NHSL3: variants seen among roughly 807,000 people sequenced by gnomAD.
The protein encoded by NHSL3 is NHS-like protein 3.
chr1:32,770,675 C>G, the NHSL3 span: 1 of 1,526,172 alleles, frequency 6.6e-7, no homozygotes, highest in Non-Finnish European at 8.8e-7. The surrounding 1 kb of genome is among the most constrained non-coding windows in gnomAD (Gnocchi z 8.3). Context: ...CGGCCTCCAC[C>G]CCCTCCCCGC....
At chr1:32,752,973 G>GT in the NHSL3 span, among the ~76,000 whole-genome samples, 7,796 of 92,752 alleles carry the variant, frequency 0.084, 615 homozygotes, top group Admixed American at 0.11. Flanking sequence ...ATATATTTTG[G>GT]TTTTTTTTTT....
At chr1:32,770,388 G>T in the NHSL3 span, 2 of 1,607,766 alleles carry the variant, frequency 1.2e-6, no homozygotes, top group Non-Finnish European at 1.7e-6. This position sits in a 1 kb window ranked among gnomAD's most constrained non-coding sequence, Gnocchi z 8.3. Context: ...CCAGCCCACA[G>T]CCCCGCAGCC....
At chr1:32,751,839 C>A in the NHSL3 span, among the ~76,000 whole-genome samples, 3 of 152,082 alleles carry the variant, frequency 2.0e-5, no homozygotes, top group Non-Finnish European at 4.4e-5. Context: ...GAGATGAGGT[C>A]GGAGATGAGG....
chr1:32,754,843 A>T, the NHSL3 span, among the ~76,000 whole-genome samples: 17 of 152,080 alleles, frequency 1.1e-4, no homozygotes, highest in Non-Finnish European at 2.5e-4. Flanking sequence ...GACCGCCTCC[A>T]TCTGGCGCGA....
At chr1:32,772,277 T>C in the NHSL3 span, 1 of 1,587,392 alleles carries the variant, frequency 6.3e-7, no homozygotes, top group Admixed American at 1.7e-5. Context: ...TCTGTGGGAG[T>C]CCCCCCACCC....
chr1:32,769,547 C>A, the NHSL3 span: 74 of 766,220 alleles, frequency 9.7e-5, no homozygotes, highest in Middle Eastern at 3.5e-4. Flanking sequence ...TTTAACCTAG[C>A]CTTGCCCATA....
the NHSL3 span, chr1:32,768,744 C>G: frequency 1.7e-5 from 27 of 1,614,034 alleles, no homozygotes; most frequent in Non-Finnish European, 2.3e-5. Context: ...AGGACGCGCT[C>G]TCCATCCGCT....
At chr1:32,742,278 G>A in the NHSL3 span, 2 of 1,173,932 alleles carry the variant, frequency 1.7e-6, no homozygotes, top group Non-Finnish European at 2.1e-6. Context: ...GCGGCGTGTT[G>A]GAGGGGGGTG....
chr1:32,769,847 C>G, the NHSL3 span: 1 of 1,611,538 alleles, frequency 6.2e-7, no homozygotes, highest in Non-Finnish European at 8.5e-7. Flanking sequence ...CATCCCCTCT[C>G]TGCTGACCCC....
chr1:32,750,372 G>T, the NHSL3 span, among the ~76,000 whole-genome samples: 1 of 152,278 alleles, frequency 6.6e-6, no homozygotes, highest in African/African-American at 2.4e-5. Context: ...GCTCACAGAG[G>T]ATTTAAACCC....
At chr1:32,769,778 A>G in the NHSL3 span, 6 of 1,598,914 alleles carry the variant, frequency 3.8e-6, no homozygotes, top group East Asian at 1.1e-4. Flanking sequence ...CATGTGCAGA[A>G]GGAGCTTGGT....
chr1:32,766,757 G>A, the NHSL3 span, among the ~76,000 whole-genome samples: 1 of 152,158 alleles, frequency 6.6e-6, no homozygotes, highest in East Asian at 1.9e-4. Flanking sequence ...TGCTTATGTT[G>A]TGGGTTTCAT....
At chr1:32,742,164 C>T in the NHSL3 span, 1 of 1,247,884 alleles carries the variant, frequency 8.0e-7, no homozygotes, top group South Asian at 3.3e-5. Context: ...AGGACAAGGC[C>T]AAGAGGGCCA....
At chr1:32,760,931 C>G in the NHSL3 span, among the ~76,000 whole-genome samples, 1 of 152,126 alleles carries the variant, frequency 6.6e-6, no homozygotes, top group Non-Finnish European at 1.5e-5. Flanking sequence ...GGAGGTGGCC[C>G]CAGTGGGACG....
At chr1:32,770,239 T>C in the NHSL3 span, 3 of 1,604,182 alleles carry the variant, frequency 1.9e-6, no homozygotes, top group Non-Finnish European at 2.6e-6. The surrounding 1 kb of genome is among the most constrained non-coding windows in gnomAD (Gnocchi z 8.3). Context: ...CCTGTCGAAG[T>C]TGATTCCACA....
At chr1:32,763,468 A>C in the NHSL3 span, among the ~76,000 whole-genome samples, 1 of 151,860 alleles carries the variant, frequency 6.6e-6, no homozygotes, top group South Asian at 2.1e-4. Context: ...AGGCCTTTCC[A>C]CTTGCTGTAG....
At chr1:32,761,940 C>T in the NHSL3 span, among the ~76,000 whole-genome samples, 37 of 152,222 alleles carry the variant, frequency 2.4e-4, no homozygotes, top group East Asian at 6.8e-3. Flanking sequence ...TTGTAGCTGG[C>T]ACAGTGCACA....
chr1:32,742,635 C>T, the NHSL3 span, among the ~76,000 whole-genome samples: 53 of 152,368 alleles, frequency 3.5e-4, no homozygotes, highest in Admixed American at 2.6e-4. Context: ...CAAAGAGTTT[C>T]AGCTCCAGCT....
the NHSL3 span, among the ~76,000 whole-genome samples, chr1:32,760,071 C>T: frequency 2.6e-5 from 4 of 152,158 alleles, no homozygotes; most frequent in Admixed American, 1.3e-4. Flanking sequence ...GGTTGGGGAG[C>T]GGGGGCCTTC....
Sources: allele counts gnomAD v4.1 joint callset (sites outside exome capture counted in the v4.1 genomes callset), GRCh38; gene constraint gnomAD v4.1.1; non-coding constraint Gnocchi (gnomAD v3.1); transcripts MANE v1.5; gene names NCBI Gene and HGNC (gene_info 2026-07-23, HGNC 2026-07-21).